NDUFAF7: variants seen among roughly 807,000 people sequenced by gnomAD.
The protein encoded by NDUFAF7 is NADH:ubiquinone oxidoreductase complex assembly factor 7, also known as protein arginine methyltransferase NDUFAF7, mitochondrial.
In NDUFAF7, 48 loss-of-function variants were observed where a neutral mutation model predicts 47.2. The ratio of observed to expected loss-of-function variants is 1.02; its 90% CI spans 0.81 to 1.29. NDUFAF7 has a LOEUF of 1.29. Among genes scored for constraint, NDUFAF7 ranks in the 50% most tolerant of loss-of-function variants. The pLI, the probability that NDUFAF7 is intolerant of heterozygous loss-of-function variation, is 0.00. For missense variants in NDUFAF7, 635 were observed against 537.6 expected (o/e 1.18, Z -1.79); for synonymous variants, 217 against 190.0 (o/e 1.14, Z -1.17).
chr2:37,242,492 G>A (rs1666457978), intron 5 of NDUFAF7, 143 bp from the exon 6 acceptor site: 2 of 666,904 alleles, frequency 3.0e-6, no homozygotes, highest in Admixed American at 4.9e-5. Flanking sequence ...ATGTTCTGCA[G>A]TGTAAGTTTT....
intron 8 of NDUFAF7, among the ~76,000 whole-genome samples, chr2:37,246,723 C>T (rs972895531): frequency 7.2e-5 from 11 of 151,890 alleles, no homozygotes; most frequent in Non-Finnish European, 1.0e-4. Context: ...ACTAAATGCT[C>T]TTAGTCATTT....
At chr2:37,253,300 T>G (rs1291458533), downstream of NDUFAF7, 12 of 1,613,084 alleles carry the variant, frequency 7.4e-6, no homozygotes, top group Non-Finnish European at 1.0e-5. Flanking sequence ...TAATGTAACG[T>G]TCTCCAATGC....
chr2:37,268,348 G>T, the NDUFAF7 span: 1 of 471,016 alleles, frequency 2.1e-6, no homozygotes, highest in Middle Eastern at 3.3e-4. Flanking sequence ...CTCCAGAGAT[G>T]TAACTACTCT....
intron 1 of NDUFAF7, 148 bp downstream of exon 1, chr2:37,231,908 C>A (rs1422585831): frequency 7.6e-6 from 12 of 1,587,894 alleles, no homozygotes; most frequent in African/African-American, 1.3e-5. Flanking sequence ...GGGTCCGGTA[C>A]AAACGCAATA....
downstream of NDUFAF7, among the ~76,000 whole-genome samples, chr2:37,249,895 G>T (rs1667342829): frequency 6.6e-6 from 1 of 151,936 alleles, no homozygotes; most frequent in Admixed American, 6.6e-5. Flanking sequence ...CATTGGCAGT[G>T]ATGAACTGTT....
At chr2:37,259,265 AT>A in the NDUFAF7 span, among the ~76,000 whole-genome samples, 4 of 152,156 alleles carry the variant, frequency 2.6e-5, no homozygotes. Context: ...CATTTGTTTT[AT>A]TTATGAGGTA....
the NDUFAF7 span, chr2:37,259,564 G>A: frequency 6.4e-7 from 1 of 1,572,420 alleles, no homozygotes; most frequent in Non-Finnish European, 8.7e-7. Context: ...CATTTAAAAG[G>A]TTCTGGAGAA....
rs1443750552 is a variant in NDUFAF7, at chr2:37,247,361, G to A, written c.937-95G>A. 2.1e-6 allele frequency: 3 copies of A among 1,417,016 alleles called. No homozygotes were observed. The African/African-American group carries it at 4.3e-5, about 20-fold the overall frequency. The allele number at this position is 1,417,016 out of a possible 1,614,324, so 87.8% of individuals were successfully genotyped here. On this transcript the variant is annotated intron_variant, in intron 8 of 9. Coordinates refer to ENST00000002125, the MANE Select transcript of NDUFAF7 (RefSeq NM_144736.5). ...TGAGAGCTCTATTCCGTCACCTCAA[G>A]CATTAATGTAAATATTAAATAACTT...
the NDUFAF7 span, chr2:37,267,728 C>A: frequency 1.9e-6 from 1 of 513,236 alleles, no homozygotes; most frequent in Non-Finnish European, 3.4e-6. Context: ...TAATATTTGC[C>A]CCTAATAAAG....
chr2:37,267,670 C>G, the NDUFAF7 span: 1 of 651,656 alleles, frequency 1.5e-6, no homozygotes, highest in South Asian at 1.9e-5. Context: ...TCTCCACACT[C>G]CTTCACTCAC....
At chr2:37,250,128 AAGATT>A (rs1638371214), downstream of NDUFAF7, among the ~76,000 whole-genome samples, 1 of 151,910 alleles carries the variant, frequency 6.6e-6, no homozygotes, top group African/African-American at 2.4e-5. Context: ...TAGGACCTAA[AAGATT>A]AGACACCCCT....
At chr2:37,250,309 C>CAGAT (rs1033283795), downstream of NDUFAF7, among the ~76,000 whole-genome samples, 1 of 152,056 alleles carries the variant, frequency 6.6e-6, no homozygotes, top group Admixed American at 6.6e-5. Context: ...TGGCTCCTCT[C>CAGAT]AGATATGTTA....
intron 2 of NDUFAF7, among the ~76,000 whole-genome samples, chr2:37,233,386 T>C (rs975647759): frequency 1.3e-5 from 2 of 152,164 alleles, no homozygotes; most frequent in Non-Finnish European, 2.9e-5. Flanking sequence ...TCCCAGCACT[T>C]TGGGAGGCCA....
chr2:37,255,311 AAAAC>A (rs1558520232), downstream of NDUFAF7, among the ~76,000 whole-genome samples: 1 of 98,996 alleles, frequency 1.0e-5, no homozygotes, highest in African/African-American at 4.4e-5. Context: ...TACTTTTGGA[AAAAC>A]AAAAAAGATC....
At chr2:37,237,608 A>C (rs1422794690) in intron 3 of NDUFAF7, 149 bp from the exon 4 acceptor site, 2 of 644,820 alleles carry the variant, frequency 3.1e-6, no homozygotes, top group African/African-American at 3.7e-5. Context: ...TCCTATGTGA[A>C]CATGTACGTA....
chr2:37,264,611 A>G, the NDUFAF7 span, among the ~76,000 whole-genome samples: 1 of 152,152 alleles, frequency 6.6e-6, no homozygotes, highest in African/African-American at 2.4e-5. Flanking sequence ...GAGACAAGGG[A>G]GTATGACATG....
At position 37,232,130 on chromosome 2, in the gene NDUFAF7, A is replaced by G; in HGVS notation, c.80A>G (p.Lys27Arg). 6.2e-7 allele frequency: 1 copy of G among 1,614,216 alleles called. No homozygotes were observed. The highest frequency in any genetic ancestry group is 2.2e-5 in the East Asian group (1 of 44,884). ...GCCATTCCTTTTATTTGGAGAGGGAAATACTTCAGCTCCGGGAATGAGCCT... is the reference window on the plus strand; with the variant it reads ...GCCATTCCTTTTATTTGGAGAGGGAGATACTTCAGCTCCGGGAATGAGCCT... ...RAAIPFIWRGKYFSSGNEPAE... is the reference protein window; with the variant it reads ...RAAIPFIWRGRYFSSGNEPAE... The change falls in exon 2 of 10, where the codon AAA (lysine) becomes AGA (arginine). Residue 27 changes from lysine (K) to arginine (R), a missense_variant. Coordinates refer to ENST00000002125, the MANE Select transcript of NDUFAF7 (RefSeq NM_144736.5).
the NDUFAF7 span, chr2:37,260,442 A>C: frequency 6.9e-7 from 1 of 1,443,952 alleles, no homozygotes; most frequent in Admixed American, 1.7e-5. Flanking sequence ...TTTTACTAAT[A>C]TCTAGATGTG....
At chr2:37,256,531 T>C (rs1489449114), downstream of NDUFAF7, 4 of 1,204,878 alleles carry the variant, frequency 3.3e-6, no homozygotes, top group Admixed American at 1.2e-4. Flanking sequence ...CTAGTTGAAT[T>C]TGGAAGATGA....
Sources: gnomAD v4.1 joint callset for allele counts (sites outside exome capture counted in the v4.1 genomes callset) on GRCh38, gnomAD v4.1.1 for gene constraint, MANE v1.5 for transcripts, NCBI Gene and HGNC (gene_info 2026-07-23, HGNC 2026-07-21) for gene names.